The following TEAD4 variants were observed in gnomAD, a reference collection of about 807,000 sequenced individuals.
TEAD4 encodes TEA domain transcription factor 4, also known as transcriptional enhancer factor TEF-3.
A neutral mutation model predicts 52.4 loss-of-function variants in TEAD4; 36 were observed. The ratio of observed to expected loss-of-function variants is 0.69; its 90% CI spans 0.53 to 0.91. TEAD4 has a LOEUF of 0.91. TEAD4 is among the 40% of genes least tolerant of loss of function. The pLI is 0.00. For synonymous variants in TEAD4, 220 were observed against 231.0 expected, an observed-to-expected ratio of 0.95 and a Z score of 0.43; for missense variants, 508 against 583.9, an observed-to-expected ratio of 0.87 and a Z score of 1.34.
intron 10 of TEAD4, among the ~76,000 whole-genome samples, chr12:3,033,413 C>T (rs1253736140): frequency 6.6e-6 from 1 of 152,244 alleles, no homozygotes; most frequent in African/African-American, 2.4e-5. Context: ...CCCGCAAGTC[C>T]AGCAGAGGCC....
intron 10 of TEAD4, among the ~76,000 whole-genome samples, chr12:3,023,790 C>CAA (rs71057878): frequency 0.66 from 86,822 of 131,622 alleles, 31,417 homozygotes; most frequent in East Asian, 0.96. Context: ...GAGACTGTCT[C>CAA]AAAAAAAAAA....
intron 2 of TEAD4, among the ~76,000 whole-genome samples, chr12:2,974,774 T>C (rs1342794677): frequency 6.6e-6 from 1 of 151,970 alleles, no homozygotes. Context: ...GACACCTGGT[T>C]TGGGCTGACC....
intron 10 of TEAD4, among the ~76,000 whole-genome samples, chr12:3,035,215 T>G (rs1591601547): frequency 1.3e-5 from 2 of 152,200 alleles, no homozygotes; most frequent in East Asian, 1.9e-4. Context: ...TAAAAGTGAG[T>G]TGATTTCAAA....
At chr12:2,961,193 CAG>C (rs2098214974) in intron 2 of TEAD4, among the ~76,000 whole-genome samples, 5 of 152,102 alleles carry the variant, frequency 3.3e-5, no homozygotes, top group African/African-American at 9.7e-5. Flanking sequence ...CAAGGACAAA[CAG>C]GGAGGTATAC....
chr12:2,960,235 A>T (rs190233060), intron 2 of TEAD4, 195 bp downstream of exon 2: 1 of 953,994 alleles, frequency 1.0e-6, no homozygotes, highest in African/African-American at 1.8e-5. Flanking sequence ...GGGGAAAGGG[A>T]GGCCGGTGTG....
intron 6 of TEAD4, 118 bp downstream of exon 6, chr12:3,017,644 C>G: frequency 2.9e-6 from 4 of 1,369,778 alleles, no homozygotes; most frequent in Non-Finnish European, 3.9e-6. Flanking sequence ...TCCTCTTGGC[C>G]AGGGCAGTCA....
intron 2 of TEAD4, among the ~76,000 whole-genome samples, chr12:2,991,929 T>C (rs1458279765): frequency 6.6e-6 from 1 of 151,846 alleles, no homozygotes; most frequent in East Asian, 1.9e-4. Context: ...GGCGTGTCCT[T>C]AGGCCTCTGG....
intron 3 of TEAD4, among the ~76,000 whole-genome samples, chr12:2,996,503 G>A (rs1022545862): frequency 1.3e-5 from 2 of 151,488 alleles, no homozygotes; most frequent in Middle Eastern, 6.8e-3. Context: ...TCTGCCTCCC[G>A]GGTTCAAGCG....
At chr12:2,993,023 T>G (rs1312884713) in intron 2 of TEAD4, among the ~76,000 whole-genome samples, 1 of 152,190 alleles carries the variant, frequency 6.6e-6, no homozygotes, top group Non-Finnish European at 1.5e-5. Flanking sequence ...CAAGACTGTT[T>G]CTTTCAGAAA....
At chr12:2,972,334 G>A (rs1246788311) in intron 2 of TEAD4, among the ~76,000 whole-genome samples, 1 of 152,004 alleles carries the variant, frequency 6.6e-6, no homozygotes. Context: ...CTCCCGTCTC[G>A]GACCCTCAAA....
At chr12:2,999,418 C>T (rs2098249845) in intron 3 of TEAD4, among the ~76,000 whole-genome samples, 1 of 152,220 alleles carries the variant, frequency 6.6e-6, no homozygotes, top group African/African-American at 2.4e-5. Flanking sequence ...TGTTTGAGGA[C>T]AGGGGTTAGG....
At position 3,038,096 on chromosome 12, in the gene TEAD4, G is replaced by A. The variant is rs2098280525; in HGVS notation, c.1026G>A (p.Val342=). The A allele has an allele frequency of 9.3e-6, 15 of 1,612,786 alleles. No individual in the cohort carries two copies. The East Asian group carries it at 2.2e-4, about 24-fold the overall frequency. ...TCTGCTCTTTCGGCAAGCAGGTGGT[G>A]GAGAAAGTTGAGGTAGGAGGCCACC... Residue 342 remains valine, a synonymous_variant, in exon 11 of 13, where the codon GTG becomes GTA. Transcript: ENST00000359864.
At chr12:3,015,166 A>G (rs985263635) in intron 5 of TEAD4, among the ~76,000 whole-genome samples, 1 of 152,162 alleles carries the variant, frequency 6.6e-6, no homozygotes, top group Non-Finnish European at 1.5e-5. Context: ...TGCTTTGTCC[A>G]CATCGACAAT....
At chr12:3,018,234 G>A (rs1405705702) in intron 6 of TEAD4, among the ~76,000 whole-genome samples, 1 of 152,218 alleles carries the variant, frequency 6.6e-6, no homozygotes, top group East Asian at 1.9e-4. Context: ...TTGGCATTAA[G>A]TGGGTTCTTG....
At chr12:2,971,272 T>C (rs1476188856) in intron 2 of TEAD4, among the ~76,000 whole-genome samples, 1 of 152,040 alleles carries the variant, frequency 6.6e-6, no homozygotes, top group Non-Finnish European at 1.5e-5. Context: ...GCAGTTGAGC[T>C]GGCTTTGAGA....
chr12:2,995,911 G>A (rs2098246747), intron 3 of TEAD4, among the ~76,000 whole-genome samples: 1 of 151,912 alleles, frequency 6.6e-6, no homozygotes, highest in South Asian at 2.1e-4. Context: ...GGGAGGCTGA[G>A]GCAGAAAGAT....
At chr12:2,968,385 CTTTTTTTT>C (rs61672018) in intron 2 of TEAD4, among the ~76,000 whole-genome samples, 1 of 55,046 alleles carries the variant, frequency 1.8e-5, no homozygotes, top group African/African-American at 6.6e-5. Context: ...CGCGCCCGGC[CTTTTTTTT>C]TTTTTTTTTT....
Position 2,999,093 on chromosome 12 carries a change from C to T in TEAD4, c.226+4101C>T, listed in dbSNP as rs922299185. Among the ~76,000 whole-genome samples, 17 of 152,302 alleles carry T rather than the reference C, an allele frequency of 1.1e-4. No individual in the cohort carries two copies. The East Asian group carries it at 3.3e-3, about 29-fold the overall frequency. ...GCTATAGATAGCTCTGAGCTCACCC[C>T]CAGTGTGTGGGATGGGCCCTCTGGG... On this transcript the variant is annotated intron_variant, in intron 3 of 12. Transcript: ENST00000359864.
chr12:3,021,555 C>A (rs2098268713), intron 9 of TEAD4, among the ~76,000 whole-genome samples: 1 of 152,186 alleles, frequency 6.6e-6, no homozygotes, highest in Admixed American at 6.5e-5. Context: ...AAGTGATCCA[C>A]CCACTTCGGC....
Sources: gnomAD v4.1 joint callset for allele counts (sites outside exome capture counted in the v4.1 genomes callset) on GRCh38, gnomAD v4.1.1 for gene constraint, MANE v1.5 for transcripts, NCBI Gene and HGNC (gene_info 2026-07-23, HGNC 2026-07-21) for gene names.